PSMD14: variants seen among roughly 807,000 people sequenced by gnomAD.
The protein encoded by PSMD14 is ubiquitin C-terminal hydrolase PSMD14.
In PSMD14, 7 loss-of-function variants were observed where a neutral mutation model predicts 41.2. The observed-to-expected ratio is 0.17, with a 90% CI of 0.10 to 0.32. The LOEUF is 0.32. PSMD14 is among the 10% of genes least tolerant of loss of function. The pLI, the probability that PSMD14 is intolerant of heterozygous loss-of-function variation, is 1.00. For missense variants in PSMD14, 139 were observed against 375.6 expected, an observed-to-expected ratio of 0.37 and a Z score of 5.21; for synonymous variants, 114 against 122.3, an observed-to-expected ratio of 0.93 and a Z score of 0.45.
At chr2:161,376,746 C>G (rs2105260460) in intron 7 of PSMD14, among the ~76,000 whole-genome samples, 1 of 152,052 alleles carries the variant, frequency 6.6e-6, no homozygotes, top group South Asian at 2.1e-4. Context: ...TTTTATTCAT[C>G]TGTCTGTGTT....
rs1483385820 is a variant in PSMD14 at position 161,410,087 on chromosome 2, T to A, written c.834+1188T>A. Among the ~76,000 whole-genome samples the A allele has an allele frequency of 2.0e-5, 3 of 152,150 alleles. 1 individual carries two copies. The highest frequency in any genetic ancestry group is 4.1e-4 in the South Asian group (2 of 4,836). ...ATATGTAATTGGCAAAGTTTAATAA[T>A]CATCAGAATCATTTTTAAAAATATA... On this transcript the variant is annotated intron_variant, in intron 11 of 11. Transcript: ENST00000409682.
rs199715093 is a variant in PSMD14 at position 161,389,957 on chromosome 2, TG to T, written c.571-1144del. Among the ~76,000 whole-genome samples the T allele has an allele frequency of 4.9e-3, 716 of 144,808 alleles. 4 individuals are homozygous for T. The highest frequency in any genetic ancestry group is 0.032 in the Middle Eastern group (9 of 284). 95.0% of individuals were successfully genotyped at this position (144,808 alleles called of 152,430 possible). A position where few individuals can be genotyped will look rare whatever the true frequency, so the allele number is the denominator to read the frequency against. On this transcript the variant is annotated intron_variant, in intron 8 of 11. Transcript: ENST00000409682. The stretch of plus-strand genomic sequence containing the variant: ...GTTGTCCAGGCTGGTCTTGAACTCT[TG>T]GGCTTAAGTGATTCTCCTGCCTCAG...
chr2:161,325,573 AC>A (rs1682683137), intron 3 of PSMD14, among the ~76,000 whole-genome samples: 1 of 152,164 alleles, frequency 6.6e-6, no homozygotes, highest in Non-Finnish European at 1.5e-5. Flanking sequence ...ACTCTATATC[AC>A]CACATGCCAA....
At position 161,315,174 on chromosome 2, in the gene PSMD14, A is replaced by C. The variant is rs184926804; in HGVS notation, c.-137-1263A>C. 4.4e-4 allele frequency among the ~76,000 whole-genome samples: 67 copies of C among 152,284 alleles called. 1 individual carries two copies. Among genetic ancestry groups the C allele is most frequent in the African/African-American group, 1.4e-3 (57 of 41,572 alleles). On this transcript the variant is annotated intron_variant, in intron 1 of 11. Coordinates refer to ENST00000409682, the MANE Select transcript of PSMD14 (RefSeq NM_005805.6). ...TTGGTAAAGCTTGGAGACATTTTTG[A>C]TTGTCACAGCTGGATAGGTGCTGCT... is the stretch of plus-strand genomic sequence containing the variant.
chr2:161,355,211 A>G (rs1231309657), intron 3 of PSMD14, among the ~76,000 whole-genome samples: 1 of 152,180 alleles, frequency 6.6e-6, no homozygotes, highest in Admixed American at 6.5e-5. Context: ...GAACCTAGGT[A>G]TATTTCAGCA....
chr2:161,385,636 C>T (rs1683624768), intron 8 of PSMD14, 65 bp downstream of exon 8: 1 of 904,482 alleles, frequency 1.1e-6, no homozygotes, highest in Non-Finnish European at 1.7e-6. Flanking sequence ...TATAAGTAGT[C>T]TTTTTAAGTT....
intron 8 of PSMD14, among the ~76,000 whole-genome samples, chr2:161,389,886 G>GTTGTTGTTTTTTGTTTTTTTTTTTTT (rs1330059094): frequency 6.7e-5 from 1 of 14,938 alleles, no homozygotes; most frequent in African/African-American, 1.9e-4. Context: ...TTTCTTTTTT[G>GTTGTTGTTTTTTGTTTTTTTTTTTTT]TTGTTTTTTT....
chr2:161,355,866 T>G (rs757015992), intron 3 of PSMD14, among the ~76,000 whole-genome samples: 1 of 152,234 alleles, frequency 6.6e-6, no homozygotes, highest in Admixed American at 6.5e-5. Context: ...CCTATGTGAT[T>G]AAATTGTTCT....
rs546537254 is a variant in PSMD14, at chr2:161,410,144, G to A, written c.835-1158G>A. 3.5e-4 allele frequency among the ~76,000 whole-genome samples: 53 copies of A among 152,152 alleles called. 1 individual carries two copies. In the South Asian group the frequency reaches 0.01, roughly 30 times the overall value. On this transcript the variant is annotated intron_variant, in intron 11 of 11. Transcript: ENST00000409682. ...ACCTCACTGGTTTGGCCTACTGCAT[G>A]GCAAAAGCAAAACTGTCTGTAATGG...
At position 161,411,494 on chromosome 2, in the gene PSMD14, C is replaced by A; in HGVS notation, c.*94C>A. 1 of 795,712 alleles carries A rather than the reference C, an allele frequency of 1.3e-6. No individual in the cohort carries two copies. Among genetic ancestry groups the A allele is most frequent in the Admixed American group, 3.2e-5 (1 of 30,808 alleles). 49.3% of individuals were successfully genotyped at this position (795,712 alleles called of 1,614,324 possible). On this transcript the variant is annotated 3_prime_UTR_variant, in exon 12 of 12. Transcript: ENST00000409682. ...AAGGGACCTCTGAAGGTGTACTTGGCTAAATGTAAGACATCTGGCATCATT... is the reference window on the plus strand; with the variant it reads ...AAGGGACCTCTGAAGGTGTACTTGGATAAATGTAAGACATCTGGCATCATT...
chr2:161,365,557 A>T (rs977660979), intron 3 of PSMD14, among the ~76,000 whole-genome samples: 6 of 152,164 alleles, frequency 3.9e-5, no homozygotes, highest in African/African-American at 1.4e-4. Flanking sequence ...CAAGTTGAGA[A>T]AGGCTGTGTC....
chr2:161,387,518 A>C (rs917993276), intron 8 of PSMD14, among the ~76,000 whole-genome samples: 3 of 152,018 alleles, frequency 2.0e-5, no homozygotes, highest in African/African-American at 7.2e-5. Context: ...ATTTTCTAAC[A>C]GATTTTTTTT....
At chr2:161,343,863 T>C (rs1683002474) in intron 3 of PSMD14, among the ~76,000 whole-genome samples, 1 of 152,034 alleles carries the variant, frequency 6.6e-6, no homozygotes, top group Admixed American at 6.5e-5. Context: ...TCTCTGCTTT[T>C]AGTTCTTTTG....
chr2:161,356,350 T>C (rs1683197872), intron 3 of PSMD14, among the ~76,000 whole-genome samples: 2 of 152,196 alleles, frequency 1.3e-5, no homozygotes, highest in African/African-American at 4.8e-5. Flanking sequence ...ATTAAAGTAT[T>C]AAAAGGTTGT....
At chr2:161,378,747 G>A (rs756466782) in intron 7 of PSMD14, among the ~76,000 whole-genome samples, 12 of 151,938 alleles carry the variant, frequency 7.9e-5, no homozygotes, top group South Asian at 2.1e-4. Flanking sequence ...TTTACTGGTT[G>A]TGTCATTTCA....
At chr2:161,341,099 C>G in intron 3 of PSMD14, 1 of 1,473,110 alleles carries the variant, frequency 6.8e-7, no homozygotes, top group Non-Finnish European at 9.0e-7. Context: ...GCCCCGCGGG[C>G]TCTCCAGGCT....
intron 10 of PSMD14, among the ~76,000 whole-genome samples, chr2:161,402,715 T>G (rs1320672982): frequency 6.7e-6 from 1 of 149,792 alleles, no homozygotes; most frequent in Non-Finnish European, 1.5e-5. Flanking sequence ...AAAAAGAAAC[T>G]ATAAAGAACT....
At chr2:161,386,187 C>T (rs947239994) in intron 8 of PSMD14, among the ~76,000 whole-genome samples, 2 of 151,654 alleles carry the variant, frequency 1.3e-5, no homozygotes, top group South Asian at 2.1e-4. Context: ...CATTCACATG[C>T]CATGGTGTTT....
rs370160365 is a variant in PSMD14 at position 161,338,842 on chromosome 2, G to A, written c.48+19969G>A. The stretch of plus-strand genomic sequence containing the variant: ...CTCTCCCCACCCCCAGACTACCACT[G>A]ATTTGCTGTCACTATACATTAGTTT... On this transcript the variant is annotated intron_variant, in intron 3 of 11. Coordinates refer to ENST00000409682, the MANE Select transcript of PSMD14 (RefSeq NM_005805.6). 3.9e-5 allele frequency among the ~76,000 whole-genome samples: 6 copies of A among 152,264 alleles called. No homozygotes were observed. The East Asian group carries it at 7.7e-4, about 20-fold the overall frequency.
Sources: allele counts gnomAD v4.1 joint callset (sites outside exome capture counted in the v4.1 genomes callset), GRCh38; gene constraint gnomAD v4.1.1; transcripts MANE v1.5; gene names NCBI Gene and HGNC (gene_info 2026-07-23, HGNC 2026-07-21).